Variants in FCHO1 observed in about 807,000 individuals in gnomAD.
FCHO1 encodes F-BAR domain only protein 1.
In FCHO1, 45 loss-of-function variants were observed where a neutral mutation model predicts 114.4. The ratio of observed to expected loss-of-function variants is 0.39; its 90% CI spans 0.31 to 0.50. The LOEUF (loss-of-function observed/expected upper bound fraction) is 0.50, where lower values mean the gene tolerates loss of function less well. Ranked by LOEUF, FCHO1 falls within the 20% of genes least tolerant of loss-of-function variation. FCHO1 has a pLI of 0.77. For synonymous variants in FCHO1, 480 were observed against 488.9 expected (o/e 0.98, Z 0.24); for missense variants, 1,042 against 1,209.6 (o/e 0.86, Z 2.06).
upstream of FCHO1, among the ~76,000 whole-genome samples, chr19:17,749,299 C>T (rs1372103698): frequency 6.6e-6 from 1 of 152,146 alleles, no homozygotes; most frequent in Non-Finnish European, 1.5e-5. Context: ...GTGTGTTTTT[C>T]CCTTGGTGCC....
At chr19:17,771,368 AAAG>A (rs1243646329) in intron 9 of FCHO1, among the ~76,000 whole-genome samples, 2 of 146,560 alleles carry the variant, frequency 1.4e-5, no homozygotes, top group Non-Finnish European at 1.5e-5. Flanking sequence ...TAAAAAAAAA[AAAG>A]AAAAGAAAAG....
At position 17,769,627 on chromosome 19, in the gene FCHO1, AC is replaced by A. The variant is rs1568341737; in HGVS notation, c.337-797del. On this transcript the variant is annotated intron_variant, in intron 7 of 28. Transcript: ENST00000596536. ...CACACACACACACACACACACACAC[AC>A]ACACAAAACGGTGAGTTAAGCAACA... Among the ~76,000 whole-genome samples the A allele has an allele frequency of 2.1e-4, 28 of 130,438 alleles. No homozygotes were observed. In the East Asian group the frequency reaches 5.0e-3, roughly 23 times the overall value. 85.6% of individuals were successfully genotyped at this position (130,438 alleles called of 152,430 possible).
Position 17,775,412 on chromosome 19 carries a change from G to T in FCHO1, c.946-44G>T, listed in dbSNP as rs763952240. 3 of 1,592,768 alleles carry T rather than the reference G, an allele frequency of 1.9e-6. No homozygotes were observed. The highest frequency in any genetic ancestry group is 2.6e-6 in the Non-Finnish European group (3 of 1,161,102). ...GTTGGCAGGGTGAGATGGAAGGTTC[G>T]ATAGTGGGGCGCCTGACTCACTGCT... is the stretch of plus-strand genomic sequence containing the variant. On this transcript the variant is annotated intron_variant, in intron 14 of 28. Coordinates refer to ENST00000596536, the MANE Select transcript of FCHO1 (RefSeq NM_015122.3). This position sits in a 1 kb window ranked among gnomAD's most constrained non-coding sequence, Gnocchi z 5.1.
At position 17,774,487 on chromosome 19, in the gene FCHO1, G is replaced by T; in HGVS notation, c.920+9G>T. The T allele has an allele frequency of 6.2e-7, 1 of 1,611,340 alleles. No homozygotes were observed. On this transcript the variant is annotated intron_variant, in intron 13 of 28. Transcript: ENST00000596536. ...GAGCCACCTGCAGCTGTGTGAGGAA[G>T]CACCCCTGCCCGGTCTGGCCCAGGC...
intron 7 of FCHO1, among the ~76,000 whole-genome samples, chr19:17,768,769 A>T (rs984527842): frequency 5.3e-5 from 8 of 151,610 alleles, no homozygotes; most frequent in African/African-American, 1.9e-4. Flanking sequence ...CTGGTCAAAC[A>T]TCTAACATAT....
chr19:17,776,558 T>G lies in FCHO1; in HGVS notation c.1208-77T>G. 6.5e-7 allele frequency: 1 copy of G among 1,545,392 alleles called. No homozygotes were observed. The highest frequency in any genetic ancestry group is 8.9e-7 in the Non-Finnish European group (1 of 1,118,668). ...GCAACTGGCTGGACACCCCCGAGCC[T>G]CGGTCCCTTGGTCTGTGGAGTGGGG... On this transcript the variant is annotated intron_variant, in intron 17 of 28. Coordinates refer to ENST00000596536, the MANE Select transcript of FCHO1 (RefSeq NM_015122.3). The surrounding 1 kb of genome is among the most constrained non-coding windows in gnomAD (Gnocchi z 4.4).
At position 17,776,694 on chromosome 19, in the gene FCHO1, C is replaced by A; in HGVS notation, c.1259+8C>A. 1.4e-5 allele frequency: 23 copies of A among 1,613,516 alleles called. No individual in the cohort carries two copies. The highest frequency in any genetic ancestry group is 1.9e-5 in the Non-Finnish European group (23 of 1,179,830). On this transcript the variant is annotated splice_region_variant and intron_variant, in intron 18 of 28. Coordinates refer to ENST00000596536, the MANE Select transcript of FCHO1 (RefSeq NM_015122.3). This position sits in a 1 kb window ranked among gnomAD's most constrained non-coding sequence, Gnocchi z 4.4. ...TGCCCCCAGAACCAGCAGGTGGGTT[C>A]CACACGAGTGGGCAGGTGGGGGCTG...
rs199945608 is a variant in FCHO1 at position 17,781,515 on chromosome 19, A to G, written c.1804A>G (p.Ser602Gly). Residue 602 changes from serine to glycine, a missense_variant, in exon 22 of 29, where the codon AGC becomes GGC. Physicochemically the swap from Ser to Gly is moderately conservative, Grantham distance 56 (BLOSUM62 0). Transcript: ENST00000596536. Reference sequence around the variant, plus strand: ...CGCCAGCACTGCCTTGGAACGGCCCAGCTTCTTATCCCAGACAGGACACGG... The same window carrying G: ...CGCCAGCACTGCCTTGGAACGGCCCGGCTTCTTATCCCAGACAGGACACGG... ...SAASTALERP[S>G]FLSQTGHGVS... 1.0e-4 allele frequency: 168 copies of G among 1,613,702 alleles called. No homozygotes were observed. Among genetic ancestry groups the G allele is most frequent in the Admixed American group, 1.3e-4 (8 of 59,966 alleles).
Position 17,776,541 on chromosome 19 carries a change from C to G in FCHO1, c.1208-94C>G. 1 of 1,428,810 alleles carries G rather than the reference C, an allele frequency of 7.0e-7. No homozygotes were observed. The highest frequency in any genetic ancestry group is 9.9e-7 in the Non-Finnish European group (1 of 1,014,934). The allele number at this position is 1,428,810 out of a possible 1,614,324, so 88.5% of individuals were successfully genotyped here. Reference sequence around the variant, plus strand: ...TTTGCTGATCACCTTGGGCAACTGGCTGGACACCCCCGAGCCTCGGTCCCT... The same window carrying G: ...TTTGCTGATCACCTTGGGCAACTGGGTGGACACCCCCGAGCCTCGGTCCCT... On this transcript the variant is annotated intron_variant, in intron 17 of 28. Transcript: ENST00000596536. The surrounding 1 kb of genome is among the most constrained non-coding windows in gnomAD (Gnocchi z 4.4).
chr19:17,764,561 G>A (rs2087927020), intron 6 of FCHO1, 112 bp downstream of exon 6: 2 of 799,400 alleles, frequency 2.5e-6, no homozygotes, highest in East Asian at 5.7e-5. Flanking sequence ...CGATTATGGG[G>A]CTATTTGGAT....
chr19:17,764,296 C>T (rs1271856270), intron 5 of FCHO1, 79 bp from the exon 6 acceptor site: 19 of 1,424,598 alleles, frequency 1.3e-5, no homozygotes, highest in Non-Finnish European at 1.9e-5. Context: ...CCGCCTCGGC[C>T]TCCCAGAGTG....
chr19:17,778,510 C>A, intron 19 of FCHO1, 99 bp from the exon 20 acceptor site: 1 of 1,395,594 alleles, frequency 7.2e-7, no homozygotes, highest in Non-Finnish European at 9.5e-7. Context: ...AATGGGGGCC[C>A]CCCTGACCTT....
intron 4 of FCHO1, among the ~76,000 whole-genome samples, chr19:17,761,198 C>T (rs951146969): frequency 6.6e-6 from 1 of 152,134 alleles, no homozygotes; most frequent in African/African-American, 2.4e-5. Flanking sequence ...TCATTCTGTG[C>T]TGGGCTTTGG....
intron 19 of FCHO1, 43 bp downstream of exon 19, chr19:17,778,271 G>A (rs1323608981): frequency 2.6e-6 from 4 of 1,533,612 alleles, no homozygotes; most frequent in Non-Finnish European, 3.6e-6. Flanking sequence ...GTGGCCGGAG[G>A]GAGGTTGGGT....
At chr19:17,748,092 C>G (rs1045768377), upstream of FCHO1, among the ~76,000 whole-genome samples, 2 of 152,198 alleles carry the variant, frequency 1.3e-5, no homozygotes, top group Admixed American at 6.5e-5. Context: ...GAGACCCCTC[C>G]CCAAATTCTT....
At chr19:17,765,259 G>C (rs1052049211) in intron 6 of FCHO1, among the ~76,000 whole-genome samples, 2 of 152,152 alleles carry the variant, frequency 1.3e-5, no homozygotes, top group African/African-American at 4.8e-5. Context: ...GACAGGCGTG[G>C]CATGTTTACG....
At chr19:17,777,493 G>T (rs1244921706) in intron 18 of FCHO1, among the ~76,000 whole-genome samples, 7 of 127,636 alleles carry the variant, frequency 5.5e-5, no homozygotes, top group Non-Finnish European at 7.7e-5. Context: ...CCACTGTTGT[G>T]CCATTGCATT....
At chr19:17,764,327 C>T in intron 5 of FCHO1, 48 bp from the exon 6 acceptor site, 4 of 1,581,522 alleles carry the variant, frequency 2.5e-6, no homozygotes, top group Non-Finnish European at 2.6e-6. Context: ...AGGCGTGAAC[C>T]ACTGCGCCCG....
Position 17,783,523 on chromosome 19 carries a change from C to T in FCHO1, c.2093+351C>T, listed in dbSNP as rs373865286. ...GCTCAGGCAATCCGCCCGCCTTGGC[C>T]TCCCAAAGTGCTAGGATTACAGGCG... On this transcript the variant is annotated intron_variant, in intron 24 of 28. Coordinates refer to ENST00000596536, the MANE Select transcript of FCHO1 (RefSeq NM_015122.3). Among the ~76,000 whole-genome samples, 11 of 151,886 alleles carry T rather than the reference C, an allele frequency of 7.2e-5. No individual in the cohort carries two copies. The East Asian group carries it at 7.7e-4, about 11-fold the overall frequency.
Sources: allele counts gnomAD v4.1 joint callset (sites outside exome capture counted in the v4.1 genomes callset), GRCh38; gene constraint gnomAD v4.1.1; non-coding constraint Gnocchi (gnomAD v3.1); transcripts MANE v1.5; gene names NCBI Gene and HGNC (gene_info 2026-07-23, HGNC 2026-07-21).